Variants in LRP12 observed in about 807,000 individuals in gnomAD.
LRP12 encodes the protein low-density lipoprotein receptor-related protein 12.
A neutral mutation model predicts 66.0 loss-of-function variants in LRP12; 14 were observed. The ratio of observed to expected loss-of-function variants is 0.21; its 90% CI spans 0.14 to 0.33. The LOEUF is 0.33. Ranked by LOEUF, LRP12 falls within the 10% of genes least tolerant of loss-of-function variation. LRP12 has a pLI of 1.00. For synonymous variants in LRP12, 357 were observed against 359.1 expected (o/e 0.99, Z 0.07); for missense variants, 889 against 1,053.4 (o/e 0.84, Z 2.16).
At chr8:104,563,036 A>G (rs1205990307) in intron 1 of LRP12, among the ~76,000 whole-genome samples, 1 of 152,176 alleles carries the variant, frequency 6.6e-6, no homozygotes, top group East Asian at 1.9e-4. Flanking sequence ...TCCAAGTACA[A>G]CTATAAAAGA....
In LRP12 at chr8:104,535,331, C is replaced by T. The variant is rs1276951460; in HGVS notation, c.80-3368G>A. Among the ~76,000 whole-genome samples the T allele has an allele frequency of 2.0e-5, 3 of 151,812 alleles. No individual in the cohort carries two copies. The South Asian group carries it at 6.2e-4, about 32-fold the overall frequency. On this transcript the variant is annotated intron_variant, in intron 1 of 6. Coordinates refer to ENST00000276654, the MANE Select transcript of LRP12 (RefSeq NM_013437.5). ...ACAACAGTGATATGAAGTTTAAGTT[C>T]TAGAGTCAGACTCCTGTAATAAAAT...
chr8:104,490,622 T>C lies in LRP12; in HGVS notation c.*51A>G. 6.6e-7 allele frequency: 1 copy of C among 1,519,952 alleles called. No homozygotes were observed. Among genetic ancestry groups the C allele is most frequent in the East Asian group, 2.3e-5 (1 of 44,068 alleles). The allele number at this position is 1,519,952 out of a possible 1,614,324, so 94.2% of individuals were successfully genotyped here. A position where few individuals can be genotyped will look rare whatever the true frequency, so the allele number is the denominator to read the frequency against. ...GTTTAACTGTAAAGTTACAAAATAA[T>C]AAATGGATATTGCTCCAACTTGTAT... On this transcript the variant is annotated 3_prime_UTR_variant, in exon 7 of 7. Transcript: ENST00000276654.
chr8:104,490,114 G>C lies in LRP12; in HGVS notation c.*559C>G, dbSNP rs1022310726. 2.6e-5 allele frequency: 4 copies of C among 152,596 alleles called. No homozygotes were observed. The highest frequency in any genetic ancestry group is 2.1e-4 in the South Asian group (1 of 4,818). 9.5% of individuals were successfully genotyped at this position (152,596 alleles called of 1,614,324 possible). ...AATTTCACATGATTGTATGTTAAACGTAAGAGAAAAATTTTTAGACAGTTT... is the reference window on the plus strand; with the variant it reads ...AATTTCACATGATTGTATGTTAAACCTAAGAGAAAAATTTTTAGACAGTTT... On this transcript the variant is annotated 3_prime_UTR_variant, in exon 7 of 7. Coordinates refer to ENST00000276654, the MANE Select transcript of LRP12 (RefSeq NM_013437.5).
chr8:104,557,981 G>A (rs28824834), intron 1 of LRP12, among the ~76,000 whole-genome samples: 12,347 of 152,136 alleles, frequency 0.081, 733 homozygotes, highest in Admixed American at 0.2. Flanking sequence ...AGGCCAAAGC[G>A]GGAGGATCAC....
chr8:104,547,758 T>C (rs1390094676), intron 1 of LRP12, among the ~76,000 whole-genome samples: 1 of 127,336 alleles, frequency 7.9e-6, no homozygotes, highest in African/African-American at 3.0e-5. Flanking sequence ...ATATATAATA[T>C]ATAATTCTAT....
At position 104,496,969 on chromosome 8, in the gene LRP12, G is replaced by A. The variant is rs1380285038; in HGVS notation, c.1580+3C>T. The A allele has an allele frequency of 6.6e-7, 1 of 1,519,244 alleles. No homozygotes were observed. The highest frequency in any genetic ancestry group is 2.2e-5 in the Admixed American group (1 of 44,882). 94.1% of individuals were successfully genotyped at this position (1,519,244 alleles called of 1,614,324 possible). Reference sequence around the variant, plus strand: ...GGCCCAATAGTTCTGTCTTGATACTGACCTTCTTTCAAACATTCTCAGAGA... The same window carrying A: ...GGCCCAATAGTTCTGTCTTGATACTAACCTTCTTTCAAACATTCTCAGAGA... On this transcript the variant is annotated splice_donor_region_variant and intron_variant, in intron 5 of 6. Coordinates refer to ENST00000276654, the MANE Select transcript of LRP12 (RefSeq NM_013437.5).
At chr8:104,558,279 G>C (rs949458517) in intron 1 of LRP12, among the ~76,000 whole-genome samples, 5 of 150,472 alleles carry the variant, frequency 3.3e-5, no homozygotes, top group Admixed American at 2.0e-4. Context: ...ACACAATAGA[G>C]AACCCAGAAA....
chr8:104,528,486 G>A (rs73295140), intron 2 of LRP12, among the ~76,000 whole-genome samples: 36,542 of 152,048 alleles, frequency 0.24, 4,463 homozygotes, highest in Middle Eastern at 0.31. Flanking sequence ...CAGAAAAAAT[G>A]CAATGAGGCC....
chr8:104,558,209 AAAAC>A (rs764689421), intron 1 of LRP12, among the ~76,000 whole-genome samples: 31 of 151,314 alleles, frequency 2.0e-4, no homozygotes, highest in South Asian at 1.3e-3. Flanking sequence ...GACTTCATCA[AAAAC>A]AAACAAACAA....
At chr8:104,526,894 C>A (rs1487232616) in intron 2 of LRP12, among the ~76,000 whole-genome samples, 2 of 143,716 alleles carry the variant, frequency 1.4e-5, no homozygotes, top group Non-Finnish European at 3.0e-5. Context: ...AGTGAACAGG[C>A]AACCTACAAA....
intron 2 of LRP12, among the ~76,000 whole-genome samples, chr8:104,516,843 G>A (rs1811077578): frequency 6.6e-6 from 1 of 151,938 alleles, no homozygotes; most frequent in South Asian, 2.1e-4. Context: ...TACAGAAAAA[G>A]TACATATTTA....
intron 1 of LRP12, among the ~76,000 whole-genome samples, chr8:104,554,801 T>A (rs1019346293): frequency 2.0e-5 from 3 of 152,118 alleles, no homozygotes; most frequent in Non-Finnish European, 2.9e-5. Flanking sequence ...CATAAAAAGA[T>A]CATCACCTAG....
At chr8:104,552,377 T>G (rs536864185) in intron 1 of LRP12, among the ~76,000 whole-genome samples, 1 of 146,480 alleles carries the variant, frequency 6.8e-6, no homozygotes, top group East Asian at 2.0e-4. Flanking sequence ...TTTTTGTTGT[T>G]TTTTTTTTTT....
intron 1 of LRP12, among the ~76,000 whole-genome samples, chr8:104,542,659 A>G (rs1811496033): frequency 6.6e-6 from 1 of 152,088 alleles, no homozygotes; most frequent in African/African-American, 2.4e-5. Context: ...CCAAAACATA[A>G]CTTCTAGGAG....
In LRP12 at chr8:104,491,242, C is replaced by G; in HGVS notation, c.2011G>C (p.Val671Leu). 1.2e-6 allele frequency: 2 copies of G among 1,614,058 alleles called. No homozygotes were observed. The highest frequency in any genetic ancestry group is 4.5e-5 in the East Asian group (2 of 44,870). ...RRDMAGASGG[V>L]AAPLPQKVPP... ...ACTTTTTGAGGCAAAGGAGCTGCAACCCCACCAGATGCTCCTGCCATATCT... is the reference window on the plus strand; with the variant it reads ...ACTTTTTGAGGCAAAGGAGCTGCAAGCCCACCAGATGCTCCTGCCATATCT... Residue 671 changes from valine to leucine, a missense_variant, in exon 7 of 7, where the codon GTT becomes CTT. Coordinates refer to ENST00000276654, the MANE Select transcript of LRP12 (RefSeq NM_013437.5).
intron 3 of LRP12, among the ~76,000 whole-genome samples, chr8:104,500,916 C>A (rs1810820104): frequency 6.6e-6 from 1 of 152,156 alleles, no homozygotes; most frequent in Non-Finnish European, 1.5e-5. Flanking sequence ...GTACCATATA[C>A]CCCACACGTT....
chr8:104,524,970 C>T (rs1588491861), intron 2 of LRP12, among the ~76,000 whole-genome samples: 1 of 151,990 alleles, frequency 6.6e-6, no homozygotes, highest in Admixed American at 6.6e-5. Flanking sequence ...GGTAAATCAA[C>T]TTGACGTAAG....
intron 1 of LRP12, among the ~76,000 whole-genome samples, chr8:104,555,864 T>C (rs1328955905): frequency 1.3e-5 from 2 of 152,196 alleles, no homozygotes; most frequent in Non-Finnish European, 2.9e-5. Flanking sequence ...ATATACATTC[T>C]ATTCATCAGC....
At chr8:104,531,841 A>G in intron 2 of LRP12, 66 bp downstream of exon 2, 1 of 994,670 alleles carries the variant, frequency 1.0e-6, no homozygotes, top group Non-Finnish European at 1.6e-6. Context: ...GTAAGATACC[A>G]GGTGGCTTTC....
Sources: gnomAD v4.1 joint callset for allele counts (sites outside exome capture counted in the v4.1 genomes callset) on GRCh38, gnomAD v4.1.1 for gene constraint, MANE v1.5 for transcripts, NCBI Gene and HGNC (gene_info 2026-07-23, HGNC 2026-07-21) for gene names.